FAM83B: variants seen among roughly 807,000 people sequenced by gnomAD.
The protein encoded by FAM83B is scaffolding CK1 anchoring protein B, also known as protein FAM83B.
Under a neutral mutation model 38.8 loss-of-function variants are expected in FAM83B, and 26 were observed. The ratio of observed to expected loss-of-function variants is 0.67; its 90% confidence interval spans 0.49 to 0.93. FAM83B has a LOEUF of 0.93. FAM83B is among the 40% of genes least tolerant of loss of function. FAM83B has a pLI of 0.00. For synonymous variants in FAM83B, 419 were observed against 423.1 expected (o/e 0.99, Z 0.12); for missense variants, 1,237 against 1,197.3 (o/e 1.03, Z -0.49).
At chr6:54,878,219 G>T (rs1194138400) in intron 2 of FAM83B, among the ~76,000 whole-genome samples, 2 of 152,168 alleles carry the variant, frequency 1.3e-5, no homozygotes, top group African/African-American at 4.8e-5. Flanking sequence ...GGTATTGCAG[G>T]CCATTTATTC....
chr6:54,914,136 G>T (rs76159748), intron 2 of FAM83B, among the ~76,000 whole-genome samples: 1 of 151,670 alleles, frequency 6.6e-6, no homozygotes, highest in African/African-American at 2.4e-5. Context: ...TCCTTTTTTG[G>T]TAAATAGTGG....
Position 54,926,470 on chromosome 6 carries a change from G to A in FAM83B, c.544G>A (p.Glu182Lys), listed in dbSNP as rs746804363. 4 of 1,610,852 alleles carry A rather than the reference G, an allele frequency of 2.5e-6. No individual in the cohort carries two copies. The highest frequency in any genetic ancestry group is 2.5e-6 in the Non-Finnish European group (3 of 1,178,062). Residue 182 changes from glutamate (E) to lysine (K), a missense_variant, in exon 3 of 5, where the codon GAG (glutamate) becomes AAG (lysine). Coordinates refer to ENST00000306858, the MANE Select transcript of FAM83B (RefSeq NM_001010872.3). Reference protein sequence around the residue: ...RGVSVYILLDESNFNHFLNMT... With the variant: ...RGVSVYILLDKSNFNHFLNMT... ...AGTATCTGTTTACATTCTGCTTGAT[G>A]AGTCCAATTTTAATCATTTTCTAAA...
intron 2 of FAM83B, among the ~76,000 whole-genome samples, chr6:54,889,483 C>G (rs1281114323): frequency 2.0e-5 from 3 of 152,048 alleles, no homozygotes; most frequent in African/African-American, 4.8e-5. Context: ...ACACCCCTTC[C>G]TGTACCAATG....
rs1773734117 is a variant in FAM83B at position 54,942,732 on chromosome 6, T to G, written c.*725T>G. On this transcript the variant is annotated 3_prime_UTR_variant, in exon 5 of 5. Coordinates refer to ENST00000306858, the MANE Select transcript of FAM83B (RefSeq NM_001010872.3). Reference sequence around the variant, plus strand: ...TTACCCATAGGCTGCTGATTTTTTATAGTCATTCCTTACTTCACATTTAGG... The same window carrying G: ...TTACCCATAGGCTGCTGATTTTTTAGAGTCATTCCTTACTTCACATTTAGG... Among the ~76,000 whole-genome samples the G allele has an allele frequency of 6.6e-6, 1 of 151,756 alleles. No individual in the cohort carries two copies.
At chr6:54,937,795 A>G (rs239796) in intron 4 of FAM83B, among the ~76,000 whole-genome samples, 97,470 of 151,968 alleles carry the variant, frequency 0.64, 33,055 homozygotes, top group East Asian at 0.89. Flanking sequence ...TGGTATATAT[A>G]AAATATAATA....
chr6:54,906,950 C>T lies in FAM83B; in HGVS notation c.445-19421C>T, dbSNP rs182006559. Among the ~76,000 whole-genome samples, 9 of 152,248 alleles carry T rather than the reference C, an allele frequency of 5.9e-5. No homozygotes were observed. In the East Asian group the frequency reaches 1.7e-3, roughly 29 times the overall value. On this transcript the variant is annotated intron_variant, in intron 2 of 4. Transcript: ENST00000306858. Reference sequence around the variant, plus strand: ...TTGTGAACCCTTTTGGTTAGACATTCTTTCCTGATTATATTGAAACCCATT... The same window carrying T: ...TTGTGAACCCTTTTGGTTAGACATTTTTTCCTGATTATATTGAAACCCATT...
chr6:54,849,864 C>A (rs907494868), intron 1 of FAM83B, among the ~76,000 whole-genome samples: 1 of 151,980 alleles, frequency 6.6e-6, no homozygotes, highest in Non-Finnish European at 1.5e-5. Flanking sequence ...CTCTTGCATA[C>A]TGACATAGAG....
At chr6:54,924,267 T>A (rs1436933311) in intron 2 of FAM83B, among the ~76,000 whole-genome samples, 1 of 151,512 alleles carries the variant, frequency 6.6e-6, no homozygotes, top group African/African-American at 2.4e-5. Context: ...CTAGATTGAG[T>A]CTCTATCTTA....
At chr6:54,900,433 GA>G (rs1379841351) in intron 2 of FAM83B, among the ~76,000 whole-genome samples, 1 of 152,004 alleles carries the variant, frequency 6.6e-6, no homozygotes, top group Non-Finnish European at 1.5e-5. Flanking sequence ...TATTGAAGCA[GA>G]AAAAATGAGA....
intron 1 of FAM83B, among the ~76,000 whole-genome samples, chr6:54,860,655 C>A (rs976915434): frequency 2.0e-5 from 3 of 152,108 alleles, no homozygotes; most frequent in African/African-American, 7.2e-5. Context: ...CACATTCAAC[C>A]AAGGCGTGAA....
At chr6:54,871,699 C>A (rs1387006636) in intron 2 of FAM83B, among the ~76,000 whole-genome samples, 1 of 137,414 alleles carries the variant, frequency 7.3e-6, no homozygotes, top group Non-Finnish European at 1.5e-5. Context: ...ACTGAGATTG[C>A]GCCACTGCCC....
rs755508497 is a variant in FAM83B at position 54,940,887 on chromosome 6, A to G, written c.1916A>G (p.Tyr639Cys). ...NGHTESNNYIYKTLGVNKQTE... is the reference protein window; with the variant it reads ...NGHTESNNYICKTLGVNKQTE... ...CATACTGAATCAAATAACTATATAT[A>G]TAAAACCTTGGGTGTAAATAAGCAG... The change falls in exon 5 of 5, where the codon TAT becomes TGT. Residue 639 changes from tyrosine to cysteine, a missense_variant. Transcript: ENST00000306858. 5.0e-6 allele frequency: 8 copies of G among 1,613,770 alleles called. No homozygotes were observed. Among genetic ancestry groups the G allele is most frequent in the Non-Finnish European group, 6.8e-6 (8 of 1,179,906 alleles).
rs542256098 is a variant in FAM83B at position 54,926,898 on chromosome 6, A to AT, written c.609+371dup. Among the ~76,000 whole-genome samples, 789 of 151,568 alleles carry AT rather than the reference A, an allele frequency of 5.2e-3. 10 individuals carry two copies. Among genetic ancestry groups the AT allele is most frequent in the South Asian group, 0.02 (97 of 4,788 alleles). The stretch of plus-strand genomic sequence containing the variant: ...AGGTGCCCGCCACCATGCCCAGCTA[A>AT]TTTTTTTTGTATTTTTAGTAGAGAC... On this transcript the variant is annotated intron_variant, in intron 3 of 4. Coordinates refer to ENST00000306858, the MANE Select transcript of FAM83B (RefSeq NM_001010872.3).
At chr6:54,869,791 A>G (rs1195225126) in intron 1 of FAM83B, among the ~76,000 whole-genome samples, 1 of 152,178 alleles carries the variant, frequency 6.6e-6, no homozygotes, top group East Asian at 1.9e-4. Flanking sequence ...TTTGCGTACA[A>G]TTTGCCTCCT....
intron 2 of FAM83B, among the ~76,000 whole-genome samples, chr6:54,885,932 C>G (rs1037961019): frequency 2.0e-5 from 3 of 150,806 alleles, no homozygotes; most frequent in Admixed American, 6.6e-5. Context: ...CAAACCCGCA[C>G]GTTGTGCACA....
chr6:54,904,633 T>A (rs1041293440), intron 2 of FAM83B, among the ~76,000 whole-genome samples: 2 of 152,226 alleles, frequency 1.3e-5, no homozygotes, highest in Admixed American at 1.3e-4. Context: ...TCCATGGGTG[T>A]ACCAAAGATG....
rs199732107 is a variant in FAM83B at position 54,888,813 on chromosome 6, CT to C, written c.444+18124del. 8.6e-3 allele frequency among the ~76,000 whole-genome samples: 1,311 copies of C among 152,014 alleles called. 11 individuals are homozygous for C. The highest frequency in any genetic ancestry group is 0.015 in the Admixed American group (229 of 15,264). ...TCCTGCTGTTTTGGAAATATATCAG[CT>C]AGCATCTCCTCAAATATTGCTTCTA... is the stretch of plus-strand genomic sequence containing the variant. On this transcript the variant is annotated intron_variant, in intron 2 of 4. Transcript: ENST00000306858.
chr6:54,919,142 C>A (rs958491306), intron 2 of FAM83B, among the ~76,000 whole-genome samples: 1 of 152,072 alleles, frequency 6.6e-6, no homozygotes, highest in Non-Finnish European at 1.5e-5. Flanking sequence ...GTAAAAAAAA[C>A]TATGGCTTTT....
intron 2 of FAM83B, among the ~76,000 whole-genome samples, chr6:54,879,577 G>A (rs1433078565): frequency 1.3e-5 from 2 of 152,110 alleles, no homozygotes; most frequent in Admixed American, 1.3e-4. Context: ...GGAGAGCTGG[G>A]CATTTTCAGA....
Sources: allele counts gnomAD v4.1 joint callset (sites outside exome capture counted in the v4.1 genomes callset), GRCh38; gene constraint gnomAD v4.1.1; transcripts MANE v1.5; gene names NCBI Gene and HGNC (gene_info 2026-07-23, HGNC 2026-07-21).